The following EVC2 variants were observed in gnomAD, a reference collection of about 807,000 sequenced individuals.
EVC2 encodes EvC ciliary complex subunit 2.
In EVC2, 148 loss-of-function variants were observed where a neutral mutation model predicts 149.3. That is an observed-to-expected ratio of 0.99 (90% confidence interval 0.87 to 1.14). EVC2 has a LOEUF of 1.14. Among genes scored for constraint, EVC2 ranks in the 50% most tolerant of loss-of-function variants. The probability of loss-of-function intolerance (pLI) is 0.00; values close to 1 mark genes in which losing one functional copy is unlikely to be tolerated. For synonymous variants in EVC2, 776 were observed against 649.9 expected, an observed-to-expected ratio of 1.19 and a Z score of -2.95; for missense variants, 1,854 against 1,627.3, an observed-to-expected ratio of 1.14 and a Z score of -2.40.
downstream of EVC2, among the ~76,000 whole-genome samples, chr4:5,538,025 T>C (rs1181680351): frequency 2.1e-5 from 3 of 145,586 alleles, no homozygotes; most frequent in Non-Finnish European, 3.0e-5. Context: ...ATCAGTAAAA[T>C]TGATAAACCT....
At position 5,622,571 on chromosome 4, in the gene EVC2, C is replaced by T. The variant is rs1012660347; in HGVS notation, c.2467G>A (p.Ala823Thr). ...DAPEAVTEEQ[A>T]ELRRWEHLIF... ...AGGTGCTCCCAGCGTCGCAGCTCTGCCTGCTCCTCTGTCACGGCCTCAGGA... is the reference window on the plus strand; with the variant it reads ...AGGTGCTCCCAGCGTCGCAGCTCTGTCTGCTCCTCTGTCACGGCCTCAGGA... The change falls in exon 14 of 22, where the codon GCA becomes ACA. Residue 823 changes from alanine (A) to threonine (T), a missense_variant. Ala to Thr is a moderately conservative substitution (Grantham distance 58, BLOSUM62 0). Transcript: ENST00000344408. The surrounding 1 kb of genome is among the most constrained non-coding windows in gnomAD (Gnocchi z 5.8). 6.2e-7 allele frequency: 1 copy of T among 1,614,040 alleles called. No homozygotes were observed. The highest frequency in any genetic ancestry group is 8.5e-7 in the Non-Finnish European group (1 of 1,180,000).
rs1715469172 is a variant in EVC2, at chr4:5,618,763, A to G, written c.2502-81T>C. The G allele has an allele frequency of 7.7e-7, 1 of 1,304,932 alleles. No homozygotes were observed. Among genetic ancestry groups the G allele is most frequent in the Non-Finnish European group, 1.1e-6 (1 of 923,728 alleles). The allele number at this position is 1,304,932 out of a possible 1,614,324, so 80.8% of individuals were successfully genotyped here. ...TGGGGTGAAGAAGCCAGAGATGCAA[A>G]GCTCATTCCTCATATCCATGTCTGC... On this transcript the variant is annotated intron_variant, in intron 14 of 21. Coordinates refer to ENST00000344408, the MANE Select transcript of EVC2 (RefSeq NM_147127.5). This position sits in a 1 kb window ranked among gnomAD's most constrained non-coding sequence, Gnocchi z 4.4.
Position 5,611,012 on chromosome 4 carries a change from A to C in EVC2, c.2829+4410T>G, listed in dbSNP as rs557486383. The stretch of plus-strand genomic sequence containing the variant: ...CTGTCCCTCATGTGTCAACTGGATA[A>C]GGTGGCCCAGTACACAAGGATTCCC... On this transcript the variant is annotated intron_variant, in intron 16 of 21. Transcript: ENST00000344408. Among the ~76,000 whole-genome samples, 7 of 152,178 alleles carry C rather than the reference A, an allele frequency of 4.6e-5. No homozygotes were observed. In the East Asian group the frequency reaches 1.4e-3, roughly 29 times the overall value.
chr4:5,598,592 G>A lies in EVC2; in HGVS notation c.2830-13742C>T, dbSNP rs181291052. ...TTCAAGATGGATTAAAGACTTAAAC[G>A]TTAGACCTAAAATCATAAAAACCCT... is the stretch of plus-strand genomic sequence containing the variant. On this transcript the variant is annotated intron_variant, in intron 16 of 21. Coordinates refer to ENST00000344408, the MANE Select transcript of EVC2 (RefSeq NM_147127.5). 3.7e-3 allele frequency among the ~76,000 whole-genome samples: 563 copies of A among 152,252 alleles called. 3 individuals carry two copies. The highest frequency in any genetic ancestry group is 6.8e-3 in the Middle Eastern group (2 of 294).
chr4:5,634,774 C>T (rs1455970926), intron 10 of EVC2, among the ~76,000 whole-genome samples: 2 of 152,018 alleles, frequency 1.3e-5, no homozygotes, highest in African/African-American at 4.8e-5. Context: ...GGAGGCACAC[C>T]CCTGGGCCTG....
At chr4:5,583,323 C>A (rs939848429) in intron 17 of EVC2, among the ~76,000 whole-genome samples, 1 of 152,122 alleles carries the variant, frequency 6.6e-6, no homozygotes, top group Admixed American at 6.5e-5. Context: ...CTTTCTGGTA[C>A]TGTTCATGTC....
At chr4:5,639,225 A>G (rs1560186134) in intron 10 of EVC2, among the ~76,000 whole-genome samples, 1 of 152,208 alleles carries the variant, frequency 6.6e-6, no homozygotes, top group Non-Finnish European at 1.5e-5. Context: ...AGCCGAGTTC[A>G]GAAGCTTGTT....
chr4:5,625,868 C>G lies in EVC2; in HGVS notation c.1927G>C (p.Glu643Gln). 6.2e-7 allele frequency: 1 copy of G among 1,614,080 alleles called. No homozygotes were observed. The highest frequency in any genetic ancestry group is 8.5e-7 in the Non-Finnish European group (1 of 1,180,030). ...LDEDQMEMLLERAQTEVFSIK... is the reference protein window; with the variant it reads ...LDEDQMEMLLQRAQTEVFSIK... ...GAAAAGACTTCTGTCTGAGCCCGCT[C>G]CAATAGCATTTCCATTTGGTCTTCA... Residue 643 changes from glutamate (E) to glutamine (Q), a missense_variant, in exon 13 of 22, where the codon GAG (glutamate) becomes CAG (glutamine). Glu to Gln is a conservative substitution (Grantham distance 29). Coordinates refer to ENST00000344408, the MANE Select transcript of EVC2 (RefSeq NM_147127.5). The surrounding 1 kb of genome is among the most constrained non-coding windows in gnomAD (Gnocchi z 4.0).
Position 5,568,453 on chromosome 4 carries a change from C to T in EVC2, c.3548G>A (p.Gly1183Asp). 2 of 1,558,878 alleles carry T rather than the reference C, an allele frequency of 1.3e-6. No individual in the cohort carries two copies. Among genetic ancestry groups the T allele is most frequent in the Non-Finnish European group, 8.6e-7 (1 of 1,159,132 alleles). Reference protein sequence around the residue: ...SDGGAEQADVGRRRKHQSWWQ... With the variant: ...SDGGAEQADVDRRRKHQSWWQ... Reference sequence around the variant, plus strand: ...CCTCCACGGCACTCACCTCCGCCTGCCCACGTCGGCCTGCTCCGCTCCGCC... The same window carrying T: ...CCTCCACGGCACTCACCTCCGCCTGTCCACGTCGGCCTGCTCCGCTCCGCC... The change falls in exon 20 of 22, where the codon GGC becomes GAC. Residue 1183 changes from glycine (G) to aspartate (D), a missense_variant. Coordinates refer to ENST00000344408, the MANE Select transcript of EVC2 (RefSeq NM_147127.5).
chr4:5,683,233 T>C (rs1425209685), intron 6 of EVC2, among the ~76,000 whole-genome samples: 1 of 152,220 alleles, frequency 6.6e-6, no homozygotes, highest in Admixed American at 6.5e-5. Context: ...TACCTCTGCT[T>C]TGGAATACGT....
intron 7 of EVC2, among the ~76,000 whole-genome samples, chr4:5,669,916 G>T (rs13147615): frequency 0.36 from 54,473 of 151,982 alleles, 10,234 homozygotes; most frequent in African/African-American, 0.48. Flanking sequence ...CCCATCACCT[G>T]TCACCCCCTT....
rs145387205 is a variant in EVC2 at position 5,593,453 on chromosome 4, G to C, written c.2830-8603C>G. ...TTCTTCTTAGGAGGTGAGAATTAAA[G>C]GTGCCACAGATTCGTACAGATTTGC... On this transcript the variant is annotated intron_variant, in intron 16 of 21. Coordinates refer to ENST00000344408, the MANE Select transcript of EVC2 (RefSeq NM_147127.5). Among the ~76,000 whole-genome samples the C allele has an allele frequency of 7.2e-5, 11 of 152,272 alleles. No individual in the cohort carries two copies. In the East Asian group the frequency reaches 2.1e-3, roughly 29 times the overall value.
intron 1 of EVC2, among the ~76,000 whole-genome samples, chr4:5,705,869 G>A (rs534132477): frequency 1.2e-4 from 19 of 152,174 alleles, no homozygotes; most frequent in Middle Eastern, 3.4e-3. Context: ...AAGAACCACT[G>A]GGGAATAAAA....
At chr4:5,547,951 C>T (rs998073493) in intron 21 of EVC2, among the ~76,000 whole-genome samples, 4 of 152,306 alleles carry the variant, frequency 2.6e-5, no homozygotes, top group Admixed American at 2.6e-4. Flanking sequence ...TGTGCCACCG[C>T]ATTCCCCAGT....
At position 5,686,127 on chromosome 4, in the gene EVC2, C is replaced by T. The variant is rs10428479; in HGVS notation, c.707-648G>A. On this transcript the variant is annotated intron_variant, in intron 5 of 21. Coordinates refer to ENST00000344408, the MANE Select transcript of EVC2 (RefSeq NM_147127.5). The surrounding 1 kb of genome is among the most constrained non-coding windows in gnomAD (Gnocchi z 5.4). The stretch of plus-strand genomic sequence containing the variant: ...ACACACACACACACACACACACACA[C>T]AGAGTAAAGAAAAGAGGAGGAACGC... Among the ~76,000 whole-genome samples the T allele has an allele frequency of 0.47, 69,646 of 149,472 alleles. 17,150 individuals carry two copies. The highest frequency in any genetic ancestry group is 0.63 in the South Asian group (2,954 of 4,712).
intron 9 of EVC2, among the ~76,000 whole-genome samples, chr4:5,655,580 C>T (rs2108885333): frequency 6.6e-6 from 1 of 152,228 alleles, no homozygotes; most frequent in Non-Finnish European, 1.5e-5. Context: ...GGTTGAGGTT[C>T]ACCTGGTACC....
chr4:5,665,708 C>T (rs1193987377), intron 7 of EVC2, 59 bp from the exon 8 acceptor site: 4 of 1,598,084 alleles, frequency 2.5e-6, no homozygotes, highest in Admixed American at 3.5e-5. Flanking sequence ...TCTCCCAGGC[C>T]TCACAGATGA....
At chr4:5,548,953 C>T (rs1721677510) in intron 21 of EVC2, among the ~76,000 whole-genome samples, 2 of 9,582 alleles carry the variant, frequency 2.1e-4, no homozygotes, top group Non-Finnish European at 8.5e-4. Context: ...TTCCTTCCTT[C>T]CTTCCTTCCT....
the EVC2 span, among the ~76,000 whole-genome samples, chr4:5,529,061 G>A: frequency 7.6e-4 from 115 of 152,236 alleles, 2 homozygotes; most frequent in African/African-American, 2.3e-3. The surrounding 1 kb of genome is among the most constrained non-coding windows in gnomAD (Gnocchi z 4.5). Flanking sequence ...CACGGAGGCC[G>A]AGAATTTCCA....
Sources: gnomAD v4.1 joint callset for allele counts (sites outside exome capture counted in the v4.1 genomes callset) on GRCh38, gnomAD v4.1.1 for gene constraint, Gnocchi (gnomAD v3.1) non-coding constraint, MANE v1.5 for transcripts, NCBI Gene and HGNC (gene_info 2026-07-23, HGNC 2026-07-21) for gene names.